Variants in CELF2 observed in about 807,000 individuals in gnomAD.
CELF2 encodes the protein CUGBP Elav-like family member 2.
In CELF2, 8 loss-of-function variants were observed where a neutral mutation model predicts 62.6. The observed-to-expected ratio is 0.13, with a 90% confidence interval of 0.07 to 0.23. CELF2 has a LOEUF of 0.23. Among genes scored for constraint, CELF2 ranks in the 10% least tolerant of loss-of-function variants. The probability of loss-of-function intolerance (pLI) is 1.00; values close to 1 mark genes in which losing one functional copy is unlikely to be tolerated. For missense variants in CELF2, 333 were observed against 671.0 expected, an observed-to-expected ratio of 0.50 and a Z score of 5.56; for synonymous variants, 258 against 250.0, an observed-to-expected ratio of 1.03 and a Z score of -0.30.
chr10:10,841,014 C>A (rs953256032), intron 1 of CELF2, among the ~76,000 whole-genome samples: 1 of 152,152 alleles, frequency 6.6e-6, no homozygotes, highest in African/African-American at 2.4e-5. Flanking sequence ...CTGCAAAGGA[C>A]ATGAGCTCAT....
At chr10:11,073,473 G>T (rs576788823) in intron 1 of CELF2, among the ~76,000 whole-genome samples, 1 of 152,218 alleles carries the variant, frequency 6.6e-6, no homozygotes, top group Non-Finnish European at 1.5e-5. Context: ...ACATACAGTG[G>T]TATGAGGGTC....
chr10:10,998,342 G>C (rs2136922245), intron 2 of CELF2, among the ~76,000 whole-genome samples: 1 of 152,210 alleles, frequency 6.6e-6, no homozygotes, highest in Non-Finnish European at 1.5e-5. Context: ...CTACCTCTTT[G>C]GCCTCTAGAA....
At chr10:10,598,002 G>A in the CELF2 span, among the ~76,000 whole-genome samples, 1 of 152,084 alleles carries the variant, frequency 6.6e-6, no homozygotes, top group Non-Finnish European at 1.5e-5. Context: ...TTGTGCAAAA[G>A]GCATATCATT....
chr10:11,112,594 G>A (rs1009513574), intron 1 of CELF2, among the ~76,000 whole-genome samples: 18 of 152,224 alleles, frequency 1.2e-4, no homozygotes, highest in Non-Finnish European at 1.3e-4. Flanking sequence ...AGTAGATGTG[G>A]TGGATAGCGA....
In CELF2 at chr10:11,315,128, G is replaced by A. The variant is rs892946671; in HGVS notation, c.1096+870G>A. ...CGTGTTTTAGATTCATGCTCGGTGT[G>A]GGTTCCTGTACTGAGGAAACTGATC... On this transcript the variant is annotated intron_variant, in intron 10 of 12. Transcript: ENST00000633077. The surrounding 1 kb of genome is among the most constrained non-coding windows in gnomAD (Gnocchi z 5.8). Among the ~76,000 whole-genome samples the A allele has an allele frequency of 2.5e-4, 38 of 152,128 alleles. No individual in the cohort carries two copies. Among genetic ancestry groups the A allele is most frequent in the African/African-American group, 8.2e-4 (34 of 41,436 alleles).
intron 1 of CELF2, chr10:11,097,969 A>G (rs1249056402): frequency 6.6e-6 from 1 of 152,292 alleles, no homozygotes; most frequent in African/African-American, 2.4e-5. Context: ...ACTGGATGCC[A>G]CCCTGCAGGG....
intron 1 of CELF2, among the ~76,000 whole-genome samples, chr10:11,079,415 C>T (rs1475788589): frequency 6.6e-6 from 1 of 152,130 alleles, no homozygotes; most frequent in African/African-American, 2.4e-5. Context: ...GTGTCCCCAC[C>T]CAAATCTTGC....
the CELF2 span, among the ~76,000 whole-genome samples, chr10:10,762,013 G>A: frequency 2.0e-5 from 3 of 151,368 alleles, no homozygotes; most frequent in Non-Finnish European, 4.4e-5. Context: ...CCCTGACGTA[G>A]ACTAAAAGTA....
At chr10:10,543,453 A>T in the CELF2 span, among the ~76,000 whole-genome samples, 10 of 152,172 alleles carry the variant, frequency 6.6e-5, no homozygotes, top group African/African-American at 2.4e-4. Flanking sequence ...ATTAAGCTAA[A>T]ATAAGTTTCT....
chr10:10,986,368 C>T (rs1190985777), intron 2 of CELF2, among the ~76,000 whole-genome samples: 1 of 152,102 alleles, frequency 6.6e-6, no homozygotes, highest in African/African-American at 2.4e-5. Flanking sequence ...GAGTCTGATT[C>T]ATCTCATAAA....
chr10:11,219,871 T>C (rs2064322343), intron 3 of CELF2, among the ~76,000 whole-genome samples: 2 of 152,256 alleles, frequency 1.3e-5, no homozygotes, highest in South Asian at 4.1e-4. Context: ...TAAACCAATA[T>C]ACACCTGTTT....
At position 11,165,333 on chromosome 10, in the gene CELF2, T is replaced by G; in HGVS notation, c.75-153T>G. On this transcript the variant is annotated intron_variant, in intron 1 of 12. Coordinates refer to ENST00000633077, the MANE Select transcript of CELF2 (RefSeq NM_001326342.2). This position sits in a 1 kb window ranked among gnomAD's most constrained non-coding sequence, Gnocchi z 7.4. ...GCAACTCATGGTGCCTCCGCTTTGT[T>G]TTAGTTCATCAAATTTCTACGACTC... 1 of 1,438,674 alleles carries G rather than the reference T, an allele frequency of 7.0e-7. No individual in the cohort carries two copies. The highest frequency in any genetic ancestry group is 9.1e-7 in the Non-Finnish European group (1 of 1,099,928). 89.1% of individuals were successfully genotyped at this position (1,438,674 alleles called of 1,614,324 possible).
At chr10:11,093,773 C>G (rs1452110437) in intron 1 of CELF2, among the ~76,000 whole-genome samples, 1 of 152,168 alleles carries the variant, frequency 6.6e-6, no homozygotes, top group Non-Finnish European at 1.5e-5. Context: ...TATGTAATCT[C>G]AGCTTACCAC....
intron 1 of CELF2, among the ~76,000 whole-genome samples, chr10:11,063,696 C>T (rs148079544): frequency 7.2e-5 from 11 of 152,192 alleles, no homozygotes; most frequent in South Asian, 2.1e-4. Context: ...GTATTCTTAA[C>T]GTAGATAAGA....
intron 2 of CELF2, among the ~76,000 whole-genome samples, chr10:11,167,343 C>T (rs899086960): frequency 6.6e-6 from 1 of 152,202 alleles, no homozygotes; most frequent in Non-Finnish European, 1.5e-5. Context: ...GAAAACTAGA[C>T]CAGAGGCAGT....
chr10:10,617,716 G>C, the CELF2 span, among the ~76,000 whole-genome samples: 1 of 151,990 alleles, frequency 6.6e-6, no homozygotes, highest in Non-Finnish European at 1.5e-5. Context: ...TAAAGGGGGG[G>C]GAAATAGGTC....
chr10:10,971,061 C>T (rs1157156169), intron 2 of CELF2, among the ~76,000 whole-genome samples: 1 of 151,996 alleles, frequency 6.6e-6, no homozygotes, highest in Non-Finnish European at 1.5e-5. Context: ...TTTGGGTGTA[C>T]TCTGTTTTTT....
At chr10:10,883,257 A>C (rs550897056) in intron 1 of CELF2, among the ~76,000 whole-genome samples, 2 of 152,354 alleles carry the variant, frequency 1.3e-5, no homozygotes, top group African/African-American at 4.8e-5. Flanking sequence ...CCTACAGAAA[A>C]ATAATGAGGC....
intron 1 of CELF2, among the ~76,000 whole-genome samples, chr10:10,830,783 A>G (rs1364204246): frequency 6.6e-6 from 1 of 152,212 alleles, no homozygotes; most frequent in Non-Finnish European, 1.5e-5. Flanking sequence ...AGAAGCACAC[A>G]ACTGCATACT....
Sources: allele counts gnomAD v4.1 joint callset (sites outside exome capture counted in the v4.1 genomes callset), GRCh38; gene constraint gnomAD v4.1.1; non-coding constraint Gnocchi (gnomAD v3.1); transcripts MANE v1.5; gene names NCBI Gene and HGNC (gene_info 2026-07-23, HGNC 2026-07-21).